Variants in MSRA observed in about 807,000 individuals in gnomAD.
MSRA encodes mitochondrial peptide methionine sulfoxide reductase.
In MSRA, 54 loss-of-function variants were observed where a neutral mutation model predicts 31.3. The observed-to-expected ratio is 1.73, with a 90% CI of 1.39 to 2.17. The LOEUF is 2.17. Ranked by LOEUF, MSRA falls within the 30% of genes most tolerant of loss-of-function variation. MSRA has a pLI of 0.00. For missense variants in MSRA, 507 were observed against 300.9 expected (o/e 1.69, Z -5.07); for synonymous variants, 169 against 116.5 (o/e 1.45, Z -2.90).
At chr8:10,302,904 T>C (rs984972785) in intron 4 of MSRA, among the ~76,000 whole-genome samples, 1 of 152,126 alleles carries the variant, frequency 6.6e-6, no homozygotes, top group Non-Finnish European at 1.5e-5. Flanking sequence ...CGTGTCACCC[T>C]AGCTTGGGAT....
intron 3 of MSRA, among the ~76,000 whole-genome samples, chr8:10,280,911 A>G (rs1314362764): frequency 6.6e-6 from 1 of 152,268 alleles, no homozygotes; most frequent in Non-Finnish European, 1.5e-5. Context: ...AAAAAACCAT[A>G]GAGTGTATGA....
intron 5 of MSRA, among the ~76,000 whole-genome samples, chr8:10,410,809 G>C (rs1471703531): frequency 6.6e-6 from 1 of 152,184 alleles, no homozygotes; most frequent in Non-Finnish European, 1.5e-5. Context: ...TTTATTGTCT[G>C]AACTGGAAAG....
At chr8:10,367,636 T>C (rs1228083370) in intron 5 of MSRA, among the ~76,000 whole-genome samples, 2 of 152,170 alleles carry the variant, frequency 1.3e-5, no homozygotes. Flanking sequence ...CACAGAGGTG[T>C]TGACTTTCCC....
At chr8:10,185,970 G>A (rs1376932182) in intron 1 of MSRA, among the ~76,000 whole-genome samples, 3 of 152,132 alleles carry the variant, frequency 2.0e-5, no homozygotes, top group Non-Finnish European at 2.9e-5. Context: ...CTGGGTTGGG[G>A]GGAGTGGAAC....
intron 5 of MSRA, among the ~76,000 whole-genome samples, chr8:10,400,321 AAGGTC>A (rs1294796173): frequency 6.6e-5 from 10 of 150,992 alleles, no homozygotes; most frequent in Admixed American, 6.6e-4. Flanking sequence ...AATCAGAGAG[AAGGTC>A]AGGAGGACTC....
intron 5 of MSRA, among the ~76,000 whole-genome samples, chr8:10,386,780 A>G (rs1806418167): frequency 6.6e-6 from 1 of 150,792 alleles, no homozygotes; most frequent in Admixed American, 6.7e-5. Flanking sequence ...GGATGAATGC[A>G]TTTGGCTTTA....
At chr8:10,350,928 G>C (rs1010153151) in intron 5 of MSRA, among the ~76,000 whole-genome samples, 4 of 152,220 alleles carry the variant, frequency 2.6e-5, no homozygotes, top group Non-Finnish European at 5.9e-5. Context: ...CCTACTGCCT[G>C]CCCTGCCTGT....
Position 10,194,060 on chromosome 8 carries a change from G to A in MSRA, c.143-13773G>A, listed in dbSNP as rs576508347. Among the ~76,000 whole-genome samples, 101 of 152,264 alleles carry A rather than the reference G, an allele frequency of 6.6e-4. 1 individual carries two copies. In the South Asian group the frequency reaches 0.013, roughly 20 times the overall value. ...ATTGCAAGAGAGAGAGTAACAGAAAGGATGAGAGGGAAGAGGGATGGAGCA... is the reference window on the plus strand; with the variant it reads ...ATTGCAAGAGAGAGAGTAACAGAAAAGATGAGAGGGAAGAGGGATGGAGCA... On this transcript the variant is annotated intron_variant, in intron 1 of 5. Transcript: ENST00000317173.
intron 5 of MSRA, among the ~76,000 whole-genome samples, chr8:10,379,929 G>A (rs1805966677): frequency 6.6e-6 from 1 of 152,206 alleles, no homozygotes; most frequent in Non-Finnish European, 1.5e-5. Context: ...CCTAGAAGGG[G>A]CAGATTAGTG....
intron 3 of MSRA, among the ~76,000 whole-genome samples, chr8:10,248,695 T>G (rs1474525990): frequency 6.6e-6 from 1 of 152,184 alleles, no homozygotes; most frequent in Non-Finnish European, 1.5e-5. Context: ...GAGTTGTGAC[T>G]AGGCATATAG....
intron 1 of MSRA, among the ~76,000 whole-genome samples, chr8:10,197,647 G>A (rs1563207514): frequency 6.6e-6 from 1 of 152,066 alleles, no homozygotes; most frequent in Non-Finnish European, 1.5e-5. Context: ...GCCTTGGTGG[G>A]GCAGATATGG....
chr8:10,097,264 T>C (rs1159280788), intron 1 of MSRA, among the ~76,000 whole-genome samples: 4 of 152,330 alleles, frequency 2.6e-5, no homozygotes, highest in East Asian at 3.9e-4. Context: ...AACATTTTGA[T>C]TTTCTGTAAA....
chr8:10,284,321 T>C (rs544707794), intron 3 of MSRA, among the ~76,000 whole-genome samples: 1 of 152,076 alleles, frequency 6.6e-6, no homozygotes, highest in Non-Finnish European at 1.5e-5. Context: ...CCCGAATAGC[T>C]GGGACTATAG....
chr8:10,320,449 CAG>C (rs1473391698), intron 5 of MSRA: 2 of 152,864 alleles, frequency 1.3e-5, no homozygotes, highest in Admixed American at 6.5e-5. Flanking sequence ...GCCTGGGTGA[CAG>C]AGCAAGACCC....
intron 5 of MSRA, among the ~76,000 whole-genome samples, chr8:10,320,571 T>C (rs1801993420): frequency 6.6e-6 from 1 of 152,244 alleles, no homozygotes; most frequent in Admixed American, 6.5e-5. Context: ...TCTCTCTTTA[T>C]TTCTGTCTCT....
intron 2 of MSRA, among the ~76,000 whole-genome samples, chr8:10,225,346 A>C (rs551273174): frequency 2.1e-4 from 32 of 152,066 alleles, no homozygotes; most frequent in Non-Finnish European, 2.9e-5. Flanking sequence ...ATCGCCTTGC[A>C]TTATGATTAG....
intron 5 of MSRA, among the ~76,000 whole-genome samples, chr8:10,327,079 C>G (rs192231455): frequency 2.0e-5 from 3 of 152,176 alleles, no homozygotes; most frequent in Non-Finnish European, 4.4e-5. Flanking sequence ...GGGTATTTCT[C>G]TCGCGAAAAA....
chr8:10,413,585 G>A (rs1277632460), intron 5 of MSRA, among the ~76,000 whole-genome samples: 1 of 145,562 alleles, frequency 6.9e-6, no homozygotes, highest in Non-Finnish European at 1.5e-5. Flanking sequence ...AAGAACTAAA[G>A]GAAACTGAAA....
At chr8:10,332,704 G>A (rs1395280840) in intron 5 of MSRA, among the ~76,000 whole-genome samples, 1 of 152,178 alleles carries the variant, frequency 6.6e-6, no homozygotes, top group Non-Finnish European at 1.5e-5. Flanking sequence ...TTATTACTGT[G>A]TGCTAGACTC....
Sources: allele counts gnomAD v4.1 joint callset (sites outside exome capture counted in the v4.1 genomes callset), GRCh38; gene constraint gnomAD v4.1.1; transcripts MANE v1.5; gene names NCBI Gene and HGNC (gene_info 2026-07-23, HGNC 2026-07-21).